LRRFIP1: variants seen among roughly 807,000 people sequenced by gnomAD.
LRRFIP1 encodes leucine-rich repeat flightless-interacting protein 1.
Under a neutral mutation model 104.4 loss-of-function variants are expected in LRRFIP1, and 62 were observed. The observed-to-expected ratio is 0.59, with a 90% CI of 0.48 to 0.73. The LOEUF (loss-of-function observed/expected upper bound fraction) is 0.73. Among genes scored for constraint, LRRFIP1 ranks in the 30% least tolerant of loss-of-function variants. The pLI, the probability that LRRFIP1 is intolerant of heterozygous loss-of-function variation, is 0.00. For synonymous variants in LRRFIP1, 300 were observed against 299.0 expected (o/e 1.00, Z -0.03); for missense variants, 796 against 824.5 (o/e 0.97, Z 0.42).
intron 1 of LRRFIP1, among the ~76,000 whole-genome samples, chr2:237,685,623 A>AGTCAGC (rs1483611895): frequency 6.6e-6 from 1 of 151,968 alleles, no homozygotes; most frequent in African/African-American, 2.4e-5. Flanking sequence ...TCACAATCGG[A>AGTCAGC]TCAAATCCTG....
At chr2:237,714,949 C>T (rs1272381569) in intron 3 of LRRFIP1, among the ~76,000 whole-genome samples, 1 of 152,224 alleles carries the variant, frequency 6.6e-6, no homozygotes, top group Non-Finnish European at 1.5e-5. Flanking sequence ...ACACGGGAGT[C>T]TTTCCCATAA....
At chr2:237,764,305 C>T (rs1481183536) in intron 19 of LRRFIP1, 1 of 1,527,026 alleles carries the variant, frequency 6.5e-7, no homozygotes, top group Non-Finnish European at 8.8e-7. Flanking sequence ...TTGTAGATTT[C>T]CATGTAATCA....
rs150825206 is a variant in LRRFIP1 at position 237,644,530 on chromosome 2, C to A, written c.96+16790C>A. Among the ~76,000 whole-genome samples, 6 of 152,218 alleles carry A rather than the reference C, an allele frequency of 3.9e-5. No individual in the cohort carries two copies. In the East Asian group the frequency reaches 9.6e-4, roughly 24 times the overall value. Reference sequence around the variant, plus strand: ...TACGCTGGTGTTCTTGGGTTAGAGGCGGGTGGCAGGCTGGAGAATTAGGTT... The same window carrying A: ...TACGCTGGTGTTCTTGGGTTAGAGGAGGGTGGCAGGCTGGAGAATTAGGTT... On this transcript the variant is annotated intron_variant, in intron 1 of 23. Transcript: ENST00000308482.
At chr2:237,682,626 C>T (rs2091959076) in intron 1 of LRRFIP1, among the ~76,000 whole-genome samples, 1 of 152,196 alleles carries the variant, frequency 6.6e-6, no homozygotes, top group Non-Finnish European at 1.5e-5. Context: ...TTCTTCCAGC[C>T]AACTTCCAGG....
At chr2:237,759,928 C>A in intron 18 of LRRFIP1, 136 bp from the exon 19 acceptor site, 2 of 713,208 alleles carry the variant, frequency 2.8e-6, no homozygotes, top group Admixed American at 5.1e-5. Flanking sequence ...GTGCTGCACC[C>A]TAGCATTTCT....
chr2:237,690,899 T>C (rs945530174), intron 1 of LRRFIP1, among the ~76,000 whole-genome samples: 1 of 152,252 alleles, frequency 6.6e-6, no homozygotes, highest in Non-Finnish European at 1.5e-5. Context: ...CCTCTGTTCA[T>C]CTTAAGTTCA....
intron 7 of LRRFIP1, 70 bp downstream of exon 7, chr2:237,723,656 T>A (rs2094615869): frequency 2.5e-6 from 4 of 1,577,316 alleles, no homozygotes; most frequent in Non-Finnish European, 3.5e-6. Context: ...CCTGTGGTAT[T>A]TCCACGAATC....
chr2:237,779,914 T>A lies in LRRFIP1; in HGVS notation c.*382T>A. ...TTTTTTCATGTGTCTTGCTGAAGAT[T>A]AAGGGGAAATGTTACAGTGTTGGGA... On this transcript the variant is annotated 3_prime_UTR_variant, in exon 24 of 24. Coordinates refer to ENST00000308482, the MANE Select transcript of LRRFIP1 (RefSeq NM_001137550.2). 1 of 165,066 alleles carries A rather than the reference T, an allele frequency of 6.1e-6. No homozygotes were observed. Among genetic ancestry groups the A allele is most frequent in the South Asian group, 1.6e-4 (1 of 6,396 alleles). The allele number at this position is 165,066 out of a possible 1,614,324, so 10.2% of individuals were successfully genotyped here. A position where few individuals can be genotyped will look rare whatever the true frequency, so the allele number is the denominator to read the frequency against.
chr2:237,696,662 A>G (rs2093204315), intron 1 of LRRFIP1, among the ~76,000 whole-genome samples: 1 of 152,232 alleles, frequency 6.6e-6, no homozygotes, highest in African/African-American at 2.4e-5. Context: ...AAGCCCTCAC[A>G]GCTAGTCAGC....
intron 1 of LRRFIP1, among the ~76,000 whole-genome samples, chr2:237,635,832 C>A (rs1252750155): frequency 6.6e-6 from 1 of 152,040 alleles, no homozygotes; most frequent in Admixed American, 6.5e-5. Flanking sequence ...GGTGTGGTGG[C>A]TCATACCTGT....
chr2:237,738,150 G>A (rs1042838518), intron 10 of LRRFIP1, among the ~76,000 whole-genome samples: 1 of 151,866 alleles, frequency 6.6e-6, no homozygotes, highest in African/African-American at 2.4e-5. Context: ...TGAAGATCTG[G>A]ATGAGATCAT....
intron 1 of LRRFIP1, among the ~76,000 whole-genome samples, chr2:237,651,738 C>T (rs570067046): frequency 7.9e-5 from 12 of 152,156 alleles, no homozygotes; most frequent in Middle Eastern, 3.4e-3. Context: ...TTTTAAAAAG[C>T]GAAATGCATA....
In LRRFIP1 at chr2:237,671,037, C is replaced by T. The variant is rs117715767; in HGVS notation, c.97-37507C>T. ...ACTTTGAAAGTTCCATTCCATCCCTCGCATTTCATCTGAAGAGCGCTATGT... is the reference window on the plus strand; with the variant it reads ...ACTTTGAAAGTTCCATTCCATCCCTTGCATTTCATCTGAAGAGCGCTATGT... On this transcript the variant is annotated intron_variant, in intron 1 of 23. Coordinates refer to ENST00000308482, the MANE Select transcript of LRRFIP1 (RefSeq NM_001137550.2). Among the ~76,000 whole-genome samples the T allele has an allele frequency of 1.2e-3, 176 of 152,312 alleles. 1 individual carries two copies. In the East Asian group the frequency reaches 0.031, roughly 27 times the overall value.
chr2:237,671,590 A>G (rs1405033615), intron 1 of LRRFIP1, among the ~76,000 whole-genome samples: 1 of 152,070 alleles, frequency 6.6e-6, no homozygotes. Context: ...AAGACAGGTA[A>G]GGGGACGGAA....
chr2:237,715,753 G>T (rs773942151), intron 3 of LRRFIP1, among the ~76,000 whole-genome samples: 1 of 152,240 alleles, frequency 6.6e-6, no homozygotes, highest in East Asian at 1.9e-4. Flanking sequence ...AAAGTAGCGC[G>T]GCTCCTGCTT....
Position 237,749,174 on chromosome 2 carries a change from G to A in LRRFIP1, c.670-25G>A, listed in dbSNP as rs201390151. The stretch of plus-strand genomic sequence containing the variant: ...GGGGACACAGAGCTAAACCATATCA[G>A]CATGTGATCCTCTCAACGTTCCAGG... On this transcript the variant is annotated intron_variant, in intron 12 of 23. Coordinates refer to ENST00000308482, the MANE Select transcript of LRRFIP1 (RefSeq NM_001137550.2). 123 of 1,609,426 alleles carry A rather than the reference G, an allele frequency of 7.6e-5. No individual in the cohort carries two copies. In the African/African-American group the frequency reaches 1.5e-3, roughly 19 times the overall value.
intron 9 of LRRFIP1, among the ~76,000 whole-genome samples, chr2:237,734,766 T>G (rs189126471): frequency 6.6e-6 from 1 of 152,356 alleles, no homozygotes; most frequent in African/African-American, 2.4e-5. Context: ...ATTAATTAAG[T>G]AGCATTTTCC....
intron 9 of LRRFIP1, among the ~76,000 whole-genome samples, chr2:237,734,030 C>T (rs570743310): frequency 6.6e-6 from 1 of 152,344 alleles, no homozygotes; most frequent in Non-Finnish European, 1.5e-5. Flanking sequence ...AGCTGCCACA[C>T]TGCTCTGTCT....
At chr2:237,633,936 A>C (rs2082738430) in intron 1 of LRRFIP1, among the ~76,000 whole-genome samples, 1 of 152,230 alleles carries the variant, frequency 6.6e-6, no homozygotes, top group South Asian at 2.1e-4. Flanking sequence ...ACATTTCAGG[A>C]GAGAGAGTCC....
Sources: gnomAD v4.1 joint callset for allele counts (sites outside exome capture counted in the v4.1 genomes callset) on GRCh38, gnomAD v4.1.1 for gene constraint, MANE v1.5 for transcripts, NCBI Gene and HGNC (gene_info 2026-07-23, HGNC 2026-07-21) for gene names.